ALG9: variants seen among roughly 807,000 people sequenced by gnomAD.
ALG9 encodes alpha-1,2-mannosyltransferase ALG9.
In ALG9, 55 loss-of-function variants were observed where a neutral mutation model predicts 81.8. The ratio of observed to expected loss-of-function variants is 0.67; its 90% CI spans 0.54 to 0.84. ALG9 has a LOEUF of 0.84. Among genes scored for constraint, ALG9 ranks in the 40% least tolerant of loss-of-function variants. The pLI, the probability that ALG9 is intolerant of heterozygous loss-of-function variation, is 0.00. For missense variants in ALG9, 629 were observed against 745.0 expected (o/e 0.84, Z 1.81); for synonymous variants, 278 against 274.3 (o/e 1.01, Z -0.13).
the ALG9 span, among the ~76,000 whole-genome samples, chr11:111,776,395 G>C: frequency 6.6e-6 from 1 of 152,008 alleles, no homozygotes. Context: ...TTTGAGACCA[G>C]CCTGGCCAAC....
intron 14 of ALG9, among the ~76,000 whole-genome samples, chr11:111,789,550 C>T (rs1205940291): frequency 1.3e-5 from 2 of 150,862 alleles, no homozygotes; most frequent in Non-Finnish European, 3.0e-5. Context: ...TATAAAATAA[C>T]TTAAAAATAG....
intron 1 of ALG9, chr11:111,871,124 C>A (rs544628469): frequency 8.0e-7 from 1 of 1,254,674 alleles, no homozygotes; most frequent in Non-Finnish European, 1.0e-6. Flanking sequence ...CATCACAGAT[C>A]CGCACTCCAA....
downstream of ALG9, among the ~76,000 whole-genome samples, chr11:111,781,681 CTTG>C (rs1250419110): frequency 2.0e-5 from 3 of 151,842 alleles, no homozygotes; most frequent in African/African-American, 4.8e-5. Flanking sequence ...GAGTCTCACT[CTTG>C]TTGCCCAGGC....
chr11:111,812,192 C>T (rs1950819448), intron 13 of ALG9, among the ~76,000 whole-genome samples: 1 of 152,116 alleles, frequency 6.6e-6, no homozygotes, highest in Non-Finnish European at 1.5e-5. Context: ...AAAATCCTAA[C>T]AGACTTTTTT....
intron 3 of ALG9, among the ~76,000 whole-genome samples, chr11:111,866,621 GT>G (rs782814653): frequency 6.6e-6 from 1 of 151,848 alleles, no homozygotes; most frequent in Non-Finnish European, 1.5e-5. Flanking sequence ...TTCACTTGCT[GT>G]GCACATCAGT....
chr11:111,870,590 T>C (rs1371095179), intron 1 of ALG9, among the ~76,000 whole-genome samples: 1 of 152,190 alleles, frequency 6.6e-6, no homozygotes, highest in African/African-American at 2.4e-5. Flanking sequence ...GGTCTTGCTA[T>C]GTTGCCCAGG....
At chr11:111,829,798 C>T (rs535268750) in intron 13 of ALG9, among the ~76,000 whole-genome samples, 1 of 152,316 alleles carries the variant, frequency 6.6e-6, no homozygotes, top group South Asian at 2.1e-4. Flanking sequence ...AACTCTCAAA[C>T]ACCAGCATCA....
chr11:111,819,693 A>T (rs1240716338), intron 13 of ALG9, among the ~76,000 whole-genome samples: 1 of 152,262 alleles, frequency 6.6e-6, no homozygotes, highest in Non-Finnish European at 1.5e-5. Flanking sequence ...CCTTCCAAAC[A>T]CATAATAAAT....
chr11:111,848,901 C>T (rs546902931), intron 8 of ALG9, among the ~76,000 whole-genome samples: 5 of 152,296 alleles, frequency 3.3e-5, no homozygotes, highest in African/African-American at 7.2e-5. Flanking sequence ...GAAGGACATG[C>T]TCCTATGATT....
At chr11:111,788,571 T>G (rs1187014274) in intron 14 of ALG9, 1 of 402,102 alleles carries the variant, frequency 2.5e-6, no homozygotes, top group African/African-American at 2.1e-5. Context: ...AATTGAGACC[T>G]GTGTTTACAA....
At chr11:111,779,338 C>G (rs1205092060), downstream of ALG9, among the ~76,000 whole-genome samples, 4 of 151,936 alleles carry the variant, frequency 2.6e-5, no homozygotes, top group Middle Eastern at 3.4e-3. Flanking sequence ...ACAGTTTGTG[C>G]GAGAGTGAAG....
chr11:111,789,253 TTTTA>T lies in ALG9; in HGVS notation c.1734-2737_1734-2734del, dbSNP rs1436789539. On this transcript the variant is annotated intron_variant, in intron 14 of 14. Transcript: ENST00000616540. ...AAGAACAAAGATAAATTATACTTATTTTTATTTATTTATTTTGAGACAGGGTCTC... is the reference window on the plus strand; with the variant it reads ...AAGAACAAAGATAAATTATACTTATTTTTATTTATTTTGAGACAGGGTCTC... 4.3e-4 allele frequency among the ~76,000 whole-genome samples: 65 copies of T among 152,084 alleles called. 1 individual carries two copies. The highest frequency in any genetic ancestry group is 2.4e-3 in the Admixed American group (37 of 15,276).
chr11:111,772,261 AC>A, the ALG9 span, among the ~76,000 whole-genome samples: 1 of 152,202 alleles, frequency 6.6e-6, no homozygotes, highest in East Asian at 1.9e-4. Flanking sequence ...CCTCATCTCT[AC>A]AAAAAATACA....
intron 13 of ALG9, among the ~76,000 whole-genome samples, chr11:111,831,406 G>A (rs1246930078): frequency 6.6e-6 from 1 of 152,112 alleles, no homozygotes; most frequent in Non-Finnish European, 1.5e-5. Flanking sequence ...GCTGAGGTGG[G>A]AAGATCGATT....
chr11:111,773,309 ATCTCAGC>A, the ALG9 span, among the ~76,000 whole-genome samples: 1 of 152,076 alleles, frequency 6.6e-6, no homozygotes, highest in East Asian at 1.9e-4. Context: ...CAATGGGGCA[ATCTCAGC>A]TCACTGCAAC....
downstream of ALG9, among the ~76,000 whole-genome samples, chr11:111,779,793 T>G (rs189363243): frequency 1.3e-5 from 2 of 152,346 alleles, no homozygotes; most frequent in East Asian, 3.9e-4. Flanking sequence ...AAGCTCATAC[T>G]CAGGTAAAAT....
chr11:111,801,462 G>A (rs1205449131), intron 14 of ALG9, among the ~76,000 whole-genome samples: 1 of 152,210 alleles, frequency 6.6e-6, no homozygotes, highest in Non-Finnish European at 1.5e-5. Flanking sequence ...TAGACAGCCT[G>A]CTGATTAATT....
At chr11:111,823,502 C>T (rs1332162944) in intron 13 of ALG9, among the ~76,000 whole-genome samples, 1 of 152,102 alleles carries the variant, frequency 6.6e-6, no homozygotes, top group South Asian at 2.1e-4. Flanking sequence ...TGTGACTGAA[C>T]GTGTCACAAA....
At position 111,786,534 on chromosome 11, in the gene ALG9, G is replaced by T. The variant is rs1565554897; in HGVS notation, c.1734-14C>A. 3 of 1,613,036 alleles carry T rather than the reference G, an allele frequency of 1.9e-6. No individual in the cohort carries two copies. Among genetic ancestry groups the T allele is most frequent in the Non-Finnish European group, 2.5e-6 (3 of 1,179,454 alleles). On this transcript the variant is annotated splice_polypyrimidine_tract_variant and intron_variant, in intron 14 of 14. Transcript: ENST00000616540. Reference sequence around the variant, plus strand: ...AGCTTTGAAGATCTGAAAAACAAGGGATAAAAAAAAGAATTTTATCACTTG... The same window carrying T: ...AGCTTTGAAGATCTGAAAAACAAGGTATAAAAAAAAGAATTTTATCACTTG...
Sources: gnomAD v4.1 joint callset for allele counts (sites outside exome capture counted in the v4.1 genomes callset) on GRCh38, gnomAD v4.1.1 for gene constraint, MANE v1.5 for transcripts, NCBI Gene and HGNC (gene_info 2026-07-23, HGNC 2026-07-21) for gene names.